Variants in SPOPL observed in about 807,000 individuals in gnomAD.
SPOPL encodes speckle-type POZ protein-like.
A neutral mutation model predicts 53.8 loss-of-function variants in SPOPL; 23 were observed. The ratio of observed to expected loss-of-function variants is 0.43; its 90% CI spans 0.31 to 0.61. The LOEUF (loss-of-function observed/expected upper bound fraction) is 0.61, where lower values mean the gene tolerates loss of function less well. SPOPL is among the 20% of genes least tolerant of loss of function. The probability of loss-of-function intolerance (pLI) is 0.12; values close to 1 mark genes in which losing one functional copy is unlikely to be tolerated. For missense variants in SPOPL, 442 were observed against 466.9 expected (o/e 0.95, Z 0.49); for synonymous variants, 164 against 149.7 (o/e 1.10, Z -0.70).
intron 1 of SPOPL, among the ~76,000 whole-genome samples, chr2:138,504,215 G>A (rs1354613768): frequency 6.6e-6 from 1 of 152,110 alleles, no homozygotes; most frequent in South Asian, 2.1e-4. Context: ...TCATTCTTGT[G>A]CCACCATGGA....
At position 138,528,192 on chromosome 2, in the gene SPOPL, G is replaced by T. The variant is rs73959461; in HGVS notation, c.-60-21965G>T. 9.4e-3 allele frequency among the ~76,000 whole-genome samples: 1,435 copies of T among 152,234 alleles called. 28 individuals are homozygous for T. Among genetic ancestry groups the T allele is most frequent in the African/African-American group, 0.033 (1,367 of 41,546 alleles). ...TGGCGTGATGGTAAAAGCTACAACT[G>T]CCACCCTTGGGGAAGGGTAGAGCCC... On this transcript the variant is annotated intron_variant, in intron 1 of 10. Coordinates refer to ENST00000280098, the MANE Select transcript of SPOPL (RefSeq NM_001001664.3).
intron 1 of SPOPL, among the ~76,000 whole-genome samples, chr2:138,530,996 C>T (rs1011899190): frequency 4.0e-5 from 6 of 150,960 alleles, no homozygotes; most frequent in Admixed American, 1.3e-4. Context: ...TGGTTTGTAG[C>T]GTTTTCATCT....
chr2:138,559,406 G>T, intron 7 of SPOPL, 69 bp downstream of exon 7: 3 of 1,451,060 alleles, frequency 2.1e-6, no homozygotes, highest in Non-Finnish European at 2.8e-6. Context: ...TGTTTTAAAA[G>T]TAATAGTACA....
chr2:138,545,578 C>A (rs865798383), intron 1 of SPOPL, among the ~76,000 whole-genome samples: 2 of 144,252 alleles, frequency 1.4e-5, no homozygotes, highest in Non-Finnish European at 3.0e-5. Flanking sequence ...GGACTATAGG[C>A]GCCTGCCATC....
chr2:138,545,243 T>C (rs895291405), intron 1 of SPOPL, among the ~76,000 whole-genome samples: 1 of 152,054 alleles, frequency 6.6e-6, no homozygotes. Flanking sequence ...ACCAGCACCG[T>C]ATACCAGGAA....
intron 3 of SPOPL, 55 bp downstream of exon 3, chr2:138,550,659 G>C (rs1415981607): frequency 6.4e-7 from 1 of 1,556,622 alleles, no homozygotes; most frequent in East Asian, 2.3e-5. Context: ...GTGATCATCA[G>C]CTGCTCATGA....
At chr2:138,534,097 CA>C (rs1412636075) in intron 1 of SPOPL, among the ~76,000 whole-genome samples, 2 of 151,964 alleles carry the variant, frequency 1.3e-5, no homozygotes, top group Admixed American at 6.6e-5. Flanking sequence ...AAATTGAAGA[CA>C]TTTTTTAAAG....
chr2:138,568,810 G>A, intron 10 of SPOPL, 126 bp from the exon 11 acceptor site: 1 of 962,118 alleles, frequency 1.0e-6, no homozygotes, highest in South Asian at 1.7e-5. Flanking sequence ...AAAAGCAAAT[G>A]ATTTGAATAC....
At chr2:138,517,601 G>A (rs1019557078) in intron 1 of SPOPL, among the ~76,000 whole-genome samples, 13 of 152,008 alleles carry the variant, frequency 8.6e-5, no homozygotes, top group African/African-American at 1.7e-4. Context: ...TTAGCCAGGC[G>A]TGGTGGCGGG....
rs1685530087 is a variant in SPOPL, at chr2:138,560,824, A to G, written c.734A>G (p.Asp245Gly). 6.2e-7 allele frequency: 1 copy of G among 1,604,126 alleles called. No homozygotes were observed. The highest frequency in any genetic ancestry group is 8.5e-7 in the Non-Finnish European group (1 of 1,177,556). ...ESKKNRVEIN[D>G]LDPEVFKEMM... The stretch of plus-strand genomic sequence containing the variant: ...TATCAGAATCGAGTGGAAATAAATG[A>G]TTTAGACCCTGAAGTTTTTAAAGAA... The change falls in exon 8 of 11, where the codon GAT becomes GGT. Residue 245 changes from aspartate to glycine, a missense_variant. By Grantham distance (94) the Asp-to-Gly change is moderately conservative (BLOSUM62 -1). Coordinates refer to ENST00000280098, the MANE Select transcript of SPOPL (RefSeq NM_001001664.3).
chr2:138,505,489 G>A (rs1450795018), intron 1 of SPOPL, among the ~76,000 whole-genome samples: 1 of 150,614 alleles, frequency 6.6e-6, no homozygotes, highest in Non-Finnish European at 1.5e-5. Context: ...AGGTGCCTTG[G>A]CTCATACCTA....
chr2:138,516,105 A>T (rs10189884), intron 1 of SPOPL, among the ~76,000 whole-genome samples: 74,786 of 152,124 alleles, frequency 0.49, 22,293 homozygotes, highest in Non-Finnish European at 0.67. Flanking sequence ...TGAAGCTGCT[A>T]TTCTGCTTTT....
chr2:138,563,418 A>T (rs1455513881), intron 8 of SPOPL, among the ~76,000 whole-genome samples: 1 of 152,092 alleles, frequency 6.6e-6, no homozygotes, highest in African/African-American at 2.4e-5. Context: ...GGAGGTCAAG[A>T]CTATAATGAG....
intron 1 of SPOPL, among the ~76,000 whole-genome samples, chr2:138,537,018 G>T (rs117917252): frequency 6.6e-6 from 1 of 152,226 alleles, no homozygotes; most frequent in East Asian, 1.9e-4. Context: ...GCAGTGATTG[G>T]TACCCTGACA....
At chr2:138,555,182 C>T (rs907942183) in intron 5 of SPOPL, among the ~76,000 whole-genome samples, 3 of 144,872 alleles carry the variant, frequency 2.1e-5, no homozygotes, top group Non-Finnish European at 4.6e-5. Flanking sequence ...GAGCCAGACT[C>T]GCTTTAATAA....
At chr2:138,503,242 C>G (rs1400898691) in intron 1 of SPOPL, among the ~76,000 whole-genome samples, 1 of 152,110 alleles carries the variant, frequency 6.6e-6, no homozygotes, top group Non-Finnish European at 1.5e-5. Context: ...GGGTGTAAAC[C>G]CTTGCTCTGC....
intron 1 of SPOPL, among the ~76,000 whole-genome samples, chr2:138,503,088 G>A (rs1186332602): frequency 1.3e-5 from 2 of 152,106 alleles, no homozygotes; most frequent in Non-Finnish European, 2.9e-5. Context: ...AGAGGTAAAA[G>A]GTTCATACCT....
At chr2:138,557,049 G>A (rs1303542346) in intron 5 of SPOPL, among the ~76,000 whole-genome samples, 1 of 152,036 alleles carries the variant, frequency 6.6e-6, no homozygotes, top group African/African-American at 2.4e-5. Flanking sequence ...CCAGCTACTC[G>A]GGAGGCTGAG....
intron 4 of SPOPL, among the ~76,000 whole-genome samples, chr2:138,551,867 A>G (rs147854748): frequency 0.011 from 1,631 of 152,122 alleles, 34 homozygotes; most frequent in African/African-American, 0.037. Context: ...TGCCTAGTAT[A>G]TAGTTGTTAT....
Sources: gnomAD v4.1 joint callset for allele counts (sites outside exome capture counted in the v4.1 genomes callset) on GRCh38, gnomAD v4.1.1 for gene constraint, MANE v1.5 for transcripts, NCBI Gene and HGNC (gene_info 2026-07-23, HGNC 2026-07-21) for gene names.